MECOM: variants seen among roughly 807,000 people sequenced by gnomAD.
MECOM encodes the protein histone-lysine N-methyltransferase MECOM.
Under a neutral mutation model 116.3 loss-of-function variants are expected in MECOM, and 13 were observed. The ratio of observed to expected loss-of-function variants is 0.11; its 90% CI spans 0.07 to 0.18. The LOEUF (loss-of-function observed/expected upper bound fraction) is 0.18. Among genes scored for constraint, MECOM ranks in the 10% least tolerant of loss-of-function variants. The pLI is 1.00. For missense variants in MECOM, 1,299 were observed against 1,509.0 expected (o/e 0.86, Z 2.31); for synonymous variants, 528 against 535.2 (o/e 0.99, Z 0.19).
chr3:169,457,842 T>C (rs2108716354), intron 1 of MECOM, among the ~76,000 whole-genome samples: 1 of 152,358 alleles, frequency 6.6e-6, no homozygotes, highest in African/African-American at 2.4e-5. Flanking sequence ...CAAATGTGTC[T>C]GTATTGTTCA....
intron 1 of MECOM, among the ~76,000 whole-genome samples, chr3:169,542,963 G>C (rs1160998855): frequency 6.6e-6 from 1 of 152,186 alleles, no homozygotes. Context: ...AACTTGTAAA[G>C]TGCCACAATT....
At chr3:169,284,734 A>G (rs2149684882) in intron 2 of MECOM, among the ~76,000 whole-genome samples, 1 of 152,324 alleles carries the variant, frequency 6.6e-6, no homozygotes, top group South Asian at 2.1e-4. Context: ...AGCTTAAAGC[A>G]CTCATCAAAA....
chr3:169,567,146 A>G (rs1763340087), intron 1 of MECOM, among the ~76,000 whole-genome samples: 2 of 140,638 alleles, frequency 1.4e-5, no homozygotes, highest in South Asian at 4.3e-4. Flanking sequence ...AAATCCAGCC[A>G]TGTCTGGGCC....
rs140641764 is a variant in MECOM, at chr3:169,529,968, T to C, written c.37+133368A>G. Among the ~76,000 whole-genome samples the C allele has an allele frequency of 1.7e-3, 265 of 152,278 alleles. 2 individuals are homozygous for C. Among genetic ancestry groups the C allele is most frequent in the African/African-American group, 6.1e-3 (255 of 41,558 alleles). ...CTCAAAGTAGAAAAAAGGACATACA[T>C]ATTTTAAGTACAGTACAATATGATA... On this transcript the variant is annotated intron_variant, in intron 1 of 16. Transcript: ENST00000651503.
intron 2 of MECOM, chr3:169,146,339 T>A: frequency 7.6e-7 from 1 of 1,315,604 alleles, no homozygotes; most frequent in Non-Finnish European, 9.9e-7. Flanking sequence ...CAAAGTCGCG[T>A]GGCCAGTGCC....
intron 1 of MECOM, among the ~76,000 whole-genome samples, chr3:169,633,909 AAAAAAAAAAC>A (rs1772401068): frequency 6.6e-6 from 1 of 150,758 alleles, no homozygotes; most frequent in Admixed American, 6.6e-5. Context: ...TGGCAAAAAA[AAAAAAAAAAC>A]AAAAAACAAA....
At chr3:169,413,042 ATAGT>A (rs1737808662) in intron 1 of MECOM, among the ~76,000 whole-genome samples, 1 of 152,244 alleles carries the variant, frequency 6.6e-6, no homozygotes, top group African/African-American at 2.4e-5. Flanking sequence ...TTTTAAAAAC[ATAGT>A]TAGGAGGATT....
chr3:169,157,871 T>C (rs1158231043), intron 2 of MECOM, among the ~76,000 whole-genome samples: 1 of 152,182 alleles, frequency 6.6e-6, no homozygotes, highest in Non-Finnish European at 1.5e-5. Flanking sequence ...ATATGCACCC[T>C]GATTCACACA....
At chr3:169,558,514 G>A (rs1015405387) in intron 1 of MECOM, among the ~76,000 whole-genome samples, 1 of 152,132 alleles carries the variant, frequency 6.6e-6, no homozygotes, top group South Asian at 2.1e-4. Context: ...TAAAATTAAA[G>A]TATTTCACTG....
intron 1 of MECOM, among the ~76,000 whole-genome samples, chr3:169,389,230 C>A (rs947087145): frequency 1.3e-5 from 2 of 152,198 alleles, no homozygotes; most frequent in Admixed American, 1.3e-4. Flanking sequence ...TGGAACTAAG[C>A]TTTTGTCAAA....
At chr3:169,232,029 A>G (rs1753464024) in intron 2 of MECOM, among the ~76,000 whole-genome samples, 1 of 152,112 alleles carries the variant, frequency 6.6e-6, no homozygotes, top group Non-Finnish European at 1.5e-5. Context: ...GCCCAACACC[A>G]TCATGAATGG....
intron 1 of MECOM, among the ~76,000 whole-genome samples, chr3:169,438,275 C>T (rs1211496683): frequency 6.6e-6 from 1 of 151,940 alleles, no homozygotes; most frequent in Non-Finnish European, 1.5e-5. Context: ...AAAGATTATT[C>T]AATCCTAAAT....
chr3:169,216,985 G>T (rs1346090828), intron 2 of MECOM, among the ~76,000 whole-genome samples: 3 of 152,086 alleles, frequency 2.0e-5, no homozygotes, highest in African/African-American at 7.2e-5. Context: ...GTCTCTACTA[G>T]CCACACAAAT....
intron 2 of MECOM, among the ~76,000 whole-genome samples, chr3:169,217,843 A>C (rs987776156): frequency 6.8e-6 from 1 of 147,796 alleles, no homozygotes; most frequent in Non-Finnish European, 1.5e-5. Flanking sequence ...ATATATATGT[A>C]ATATATATAT....
At chr3:169,322,792 G>C (rs1431405281) in intron 2 of MECOM, among the ~76,000 whole-genome samples, 3 of 151,910 alleles carry the variant, frequency 2.0e-5, no homozygotes, top group Non-Finnish European at 4.4e-5. Flanking sequence ...GAGGTCAGGA[G>C]TTCAAGACCA....
Position 169,286,514 on chromosome 3 carries a change from T to C in MECOM, c.375+94673A>G, listed in dbSNP as rs549252925. Among the ~76,000 whole-genome samples the C allele has an allele frequency of 3.3e-5, 5 of 152,300 alleles. No homozygotes were observed. The South Asian group carries it at 8.3e-4, about 25-fold the overall frequency. ...ATGGTTGGTTTAAGTCTGGTCTTTGTTTTCTGTCTTCCACGGTTGACAACG... is the reference window on the plus strand; with the variant it reads ...ATGGTTGGTTTAAGTCTGGTCTTTGCTTTCTGTCTTCCACGGTTGACAACG... On this transcript the variant is annotated intron_variant, in intron 2 of 16. Transcript: ENST00000651503.
chr3:169,158,909 G>GGTTTT (rs1742408586), intron 2 of MECOM, among the ~76,000 whole-genome samples: 1 of 152,140 alleles, frequency 6.6e-6, no homozygotes, highest in Non-Finnish European at 1.5e-5. Context: ...TGTGGTCCAG[G>GGTTTT]TGATAACCGA....
intron 2 of MECOM, among the ~76,000 whole-genome samples, chr3:169,183,108 G>T (rs1459422439): frequency 6.6e-6 from 1 of 152,170 alleles, no homozygotes; most frequent in Non-Finnish European, 1.5e-5. Context: ...TATCTCTCAT[G>T]AGGTAATGCA....
intron 1 of MECOM, among the ~76,000 whole-genome samples, chr3:169,514,300 CA>C (rs59456802): frequency 5.4e-5 from 8 of 148,624 alleles, no homozygotes; most frequent in South Asian, 2.2e-4. Flanking sequence ...AGCACAGAGT[CA>C]AAAAAAAAAG....
Sources: gnomAD v4.1 joint callset for allele counts (sites outside exome capture counted in the v4.1 genomes callset) on GRCh38, gnomAD v4.1.1 for gene constraint, MANE v1.5 for transcripts, NCBI Gene and HGNC (gene_info 2026-07-23, HGNC 2026-07-21) for gene names.